CSMD3: variants seen among roughly 807,000 people sequenced by gnomAD.
The protein encoded by CSMD3 is CUB and Sushi multiple domains 3.
CSMD3 carries 177 observed loss-of-function variants against 435.2 expected under a neutral mutation model. That is an observed-to-expected ratio of 0.41 (90% CI 0.36 to 0.46). The LOEUF is 0.46. Ranked by LOEUF, CSMD3 falls within the 20% of genes least tolerant of loss-of-function variation. The pLI is 0.34. For missense variants in CSMD3, 4,265 were observed against 4,504.6 expected (o/e 0.95, Z 1.52); for synonymous variants, 1,656 against 1,520.5 (o/e 1.09, Z -2.07).
intron 2 of CSMD3, among the ~76,000 whole-genome samples, chr8:113,284,603 A>C (rs925247117): frequency 7.9e-5 from 12 of 152,162 alleles, no homozygotes; most frequent in African/African-American, 2.7e-4. Context: ...GGTAAAGCTA[A>C]TATGATTTGT....
intron 13 of CSMD3, among the ~76,000 whole-genome samples, chr8:112,701,819 C>A (rs1300659031): frequency 6.6e-6 from 1 of 152,090 alleles, no homozygotes; most frequent in Non-Finnish European, 1.5e-5. Context: ...CCCTTTCAAC[C>A]TCTGTGCCCT....
intron 70 of CSMD3, among the ~76,000 whole-genome samples, chr8:112,226,657 T>C (rs1812586337): frequency 1.3e-5 from 2 of 152,148 alleles, no homozygotes; most frequent in Admixed American, 1.3e-4. Flanking sequence ...GCAAAACATA[T>C]ATCTAATAAG....
chr8:112,656,322 A>T lies in CSMD3; in HGVS notation c.2836T>A (p.Tyr946Asn). 1.2e-6 allele frequency: 2 copies of T among 1,612,870 alleles called. No homozygotes were observed. The highest frequency in any genetic ancestry group is 1.7e-6 in the Non-Finnish European group (2 of 1,179,112). Reference sequence around the variant, plus strand: ...CCATCATGAACTTCCAGAACATCATAATTCAGTTCAGTCTGAAATCTAAGA... The same window carrying T: ...CCATCATGAACTTCCAGAACATCATTATTCAGTTCAGTCTGAAATCTAAGA... ...TFERFQTELN[Y>N]DVLEVHDGPN... The change falls in exon 18 of 71, where the codon TAT becomes AAT. Residue 946 changes from tyrosine to asparagine, a missense_variant. By Grantham distance (143) the Tyr-to-Asn change is moderately radical. Around this residue, in one of 3 missense-constraint regions of CSMD3, gnomAD observed 3,255 missense variants for 3,380.2 expected, o/e 0.96. Coordinates refer to ENST00000297405, the MANE Select transcript of CSMD3 (RefSeq NM_198123.2).
intron 28 of CSMD3, among the ~76,000 whole-genome samples, chr8:112,515,674 A>C (rs1489514559): frequency 2.0e-5 from 3 of 152,040 alleles, no homozygotes; most frequent in African/African-American, 7.2e-5. Flanking sequence ...CCATTATTTC[A>C]TGCTTTATAA....
At chr8:113,194,086 GA>G (rs950965558) in intron 3 of CSMD3, among the ~76,000 whole-genome samples, 9 of 151,034 alleles carry the variant, frequency 6.0e-5, no homozygotes, top group African/African-American at 1.9e-4. Flanking sequence ...TTCTTTGGGG[GA>G]AAAAAACCTA....
intron 1 of CSMD3, among the ~76,000 whole-genome samples, chr8:113,424,927 T>C (rs979080377): frequency 6.6e-6 from 1 of 151,536 alleles, no homozygotes; most frequent in African/African-American, 2.4e-5. Context: ...GAAAATCCCA[T>C]TGAAGAGCTA....
rs1272966917 is a variant in CSMD3 at position 112,914,001 on chromosome 8, GA to G, written c.1633+7625del. Among the ~76,000 whole-genome samples, 36 of 151,764 alleles carry G rather than the reference GA, an allele frequency of 2.4e-4. 1 individual carries two copies. Among genetic ancestry groups the G allele is most frequent in the Admixed American group, 2.0e-3 (30 of 15,184 alleles). On this transcript the variant is annotated intron_variant, in intron 10 of 70. Coordinates refer to ENST00000297405, the MANE Select transcript of CSMD3 (RefSeq NM_198123.2). ...AGTAGCCCATTGATCTCTTTGAGGAGAAAAATTCATCTTTTCCCTCCCCTTA... is the reference window on the plus strand; with the variant it reads ...AGTAGCCCATTGATCTCTTTGAGGAGAAAATTCATCTTTTCCCTCCCCTTA...
chr8:112,240,435 T>G (rs1343123159), intron 66 of CSMD3, among the ~76,000 whole-genome samples: 2 of 145,134 alleles, frequency 1.4e-5, no homozygotes, highest in African/African-American at 2.4e-5. Context: ...TTATGTATTC[T>G]TTGATTGCCT....
chr8:113,131,674 C>T lies in CSMD3; in HGVS notation c.710-32711G>A, dbSNP rs566867231. Among the ~76,000 whole-genome samples, 3 of 152,266 alleles carry T rather than the reference C, an allele frequency of 2.0e-5. No individual in the cohort carries two copies. The South Asian group carries it at 6.2e-4, about 32-fold the overall frequency. ...TGTGGGGTTGGAGACACCACAGAGT[C>T]CCCACTGGGGCACTGCCTAGTGGAG... On this transcript the variant is annotated intron_variant, in intron 4 of 70. Coordinates refer to ENST00000297405, the MANE Select transcript of CSMD3 (RefSeq NM_198123.2).
At chr8:112,608,495 G>T (rs1226174493) in intron 22 of CSMD3, among the ~76,000 whole-genome samples, 11 of 151,994 alleles carry the variant, frequency 7.2e-5, no homozygotes, top group Non-Finnish European at 1.6e-4. Flanking sequence ...CAAGAAGAAT[G>T]AAGCTGATGG....
intron 1 of CSMD3, among the ~76,000 whole-genome samples, chr8:113,377,474 A>G (rs1472943828): frequency 6.6e-6 from 1 of 152,232 alleles, no homozygotes; most frequent in Non-Finnish European, 1.5e-5. Context: ...CTAACATTAC[A>G]GTGCAAATTG....
At chr8:113,098,559 G>A in intron 5 of CSMD3, 197 bp downstream of exon 5, 1 of 583,428 alleles carries the variant, frequency 1.7e-6, no homozygotes, top group South Asian at 2.1e-5. Flanking sequence ...GTTTATACAA[G>A]TTTTGAATTT....
At chr8:113,394,607 A>C (rs1259969149) in intron 1 of CSMD3, among the ~76,000 whole-genome samples, 3 of 152,108 alleles carry the variant, frequency 2.0e-5, no homozygotes, top group African/African-American at 7.2e-5. Flanking sequence ...ATTTTAGTGC[A>C]TCAAAGGAAA....
chr8:113,022,476 CAAAT>C (rs1298142765), intron 5 of CSMD3, among the ~76,000 whole-genome samples: 2 of 151,636 alleles, frequency 1.3e-5, no homozygotes, highest in Admixed American at 6.6e-5. Flanking sequence ...AACATACAAA[CAAAT>C]AAATAAATAA....
chr8:112,404,986 T>C (rs1831650395), intron 35 of CSMD3, among the ~76,000 whole-genome samples: 1 of 151,044 alleles, frequency 6.6e-6, no homozygotes, highest in Non-Finnish European at 1.5e-5. Context: ...GATACCAGCC[T>C]AGACAACATG....
intron 3 of CSMD3, among the ~76,000 whole-genome samples, chr8:113,202,772 T>C (rs1046221263): frequency 2.0e-5 from 3 of 152,092 alleles, no homozygotes; most frequent in African/African-American, 4.8e-5. Flanking sequence ...CAATGTAAAA[T>C]AGCAACTTAT....
In CSMD3 at chr8:113,191,671, C is replaced by A. The variant is rs541521463; in HGVS notation, c.515-17755G>T. On this transcript the variant is annotated intron_variant, in intron 3 of 70. Coordinates refer to ENST00000297405, the MANE Select transcript of CSMD3 (RefSeq NM_198123.2). ...TATCCGGTCTGGTGTTGATGGGCAC[C>A]TAGGCTGATTCCATGTCTTTCCTAT... Among the ~76,000 whole-genome samples the A allele has an allele frequency of 1.9e-4, 29 of 151,796 alleles. No homozygotes were observed. The South Asian group carries it at 5.8e-3, about 30-fold the overall frequency.
chr8:112,336,939 C>G, intron 43 of CSMD3, 110 bp from the exon 44 acceptor site: 2 of 924,212 alleles, frequency 2.2e-6, no homozygotes, highest in Non-Finnish European at 3.4e-6. Context: ...CACATTTATG[C>G]CTTGTTTTTA....
At position 112,624,141 on chromosome 8, in the gene CSMD3, C is replaced by A. The variant is rs1482289161; in HGVS notation, c.3715+12676G>T. Among the ~76,000 whole-genome samples the A allele has an allele frequency of 5.3e-5, 8 of 152,028 alleles. No individual in the cohort carries two copies. The East Asian group carries it at 1.4e-3, about 26-fold the overall frequency. ...AAGAATAATTTTAATGTTGTAACAA[C>A]ATATTATGATATTCACTACAATTTA... On this transcript the variant is annotated intron_variant, in intron 22 of 70. Coordinates refer to ENST00000297405, the MANE Select transcript of CSMD3 (RefSeq NM_198123.2).
Sources: gnomAD v4.1 joint callset for allele counts (sites outside exome capture counted in the v4.1 genomes callset) on GRCh38, gnomAD v4.1.1 for gene constraint, gnomAD v4.1.1 regional missense constraint, MANE v1.5 for transcripts, NCBI Gene and HGNC (gene_info 2026-07-23, HGNC 2026-07-21) for gene names.